The following AGBL4 variants were observed in gnomAD, a reference collection of about 807,000 sequenced individuals.
AGBL4 encodes the protein AGBL carboxypeptidase 4.
AGBL4 carries 58 observed loss-of-function variants against 66.4 expected under a neutral mutation model. The ratio of observed to expected loss-of-function variants is 0.87; its 90% CI spans 0.71 to 1.09. The LOEUF is 1.09. AGBL4 is among the 50% of genes least tolerant of loss of function. The pLI is 0.00. For missense variants in AGBL4, 579 were observed against 631.0 expected (o/e 0.92, Z 0.88); for synonymous variants, 234 against 222.9 (o/e 1.05, Z -0.44).
intron 3 of AGBL4, among the ~76,000 whole-genome samples, chr1:49,630,463 AC>A (rs1460203031): frequency 1.3e-5 from 2 of 152,062 alleles, no homozygotes; most frequent in Non-Finnish European, 2.9e-5. Flanking sequence ...GTGTCAGGGT[AC>A]TCAGGCATTT....
intron 4 of AGBL4, among the ~76,000 whole-genome samples, chr1:49,199,461 G>C (rs1056482291): frequency 2.0e-5 from 3 of 152,150 alleles, no homozygotes. Context: ...TCATTTGGCT[G>C]TCCTCTTAAA....
rs893532633 is a variant in AGBL4, at chr1:48,757,044, G to A, written c.635-93803C>T. On this transcript the variant is annotated intron_variant, in intron 6 of 13. Transcript: ENST00000371839. Reference sequence around the variant, plus strand: ...AAAGAGGCATATAATGATGTAAAATGCAGGGTGTCTTACCACCCCAGAGGC... The same window carrying A: ...AAAGAGGCATATAATGATGTAAAATACAGGGTGTCTTACCACCCCAGAGGC... Among the ~76,000 whole-genome samples, 3 of 152,156 alleles carry A rather than the reference G, an allele frequency of 2.0e-5. No individual in the cohort carries two copies. The South Asian group carries it at 6.2e-4, about 32-fold the overall frequency.
chr1:49,875,949 T>A (rs1646991318), intron 1 of AGBL4, among the ~76,000 whole-genome samples: 1 of 147,238 alleles, frequency 6.8e-6, no homozygotes, highest in South Asian at 2.2e-4. Flanking sequence ...GCTGCATAAA[T>A]GTCTTCTTTT....
chr1:48,974,156 AAAG>A (rs773301583), intron 5 of AGBL4, among the ~76,000 whole-genome samples: 152 of 152,222 alleles, frequency 1.0e-3, no homozygotes, highest in Non-Finnish European at 1.8e-3. Flanking sequence ...GGATAAAGGG[AAAG>A]AAGGACGAAA....
intron 1 of AGBL4, among the ~76,000 whole-genome samples, chr1:50,007,644 G>A (rs1661235807): frequency 6.6e-6 from 1 of 152,156 alleles, no homozygotes; most frequent in South Asian, 2.1e-4. Context: ...GCACATGCCT[G>A]TAATCCCAGA....
At chr1:49,331,130 C>T (rs551678057) in intron 3 of AGBL4, among the ~76,000 whole-genome samples, 2 of 151,900 alleles carry the variant, frequency 1.3e-5, no homozygotes, top group East Asian at 1.9e-4. Flanking sequence ...TGTGGAGTCT[C>T]GGCAGAGCTG....
At chr1:48,805,687 G>A (rs1645907377) in intron 6 of AGBL4, among the ~76,000 whole-genome samples, 1 of 152,106 alleles carries the variant, frequency 6.6e-6, no homozygotes, top group South Asian at 2.1e-4. Flanking sequence ...TCACCACAAC[G>A]AACCTCAGTT....
At chr1:49,808,389 A>G (rs1645021408) in intron 2 of AGBL4, among the ~76,000 whole-genome samples, 1 of 152,162 alleles carries the variant, frequency 6.6e-6, no homozygotes, top group South Asian at 2.1e-4. Context: ...AAAGACTACA[A>G]ACTTTGATGC....
chr1:49,386,352 T>C (rs1054629204), intron 3 of AGBL4, among the ~76,000 whole-genome samples: 6 of 151,808 alleles, frequency 4.0e-5, no homozygotes, highest in Non-Finnish European at 8.8e-5. Context: ...GTGTAGTCTT[T>C]GACCATTAAA....
intron 5 of AGBL4, among the ~76,000 whole-genome samples, chr1:48,980,370 CAG>C (rs955585032): frequency 6.6e-6 from 1 of 152,244 alleles, no homozygotes; most frequent in African/African-American, 2.4e-5. Context: ...AAATTCCCAA[CAG>C]CCTCCAAAGC....
At chr1:49,626,509 G>A (rs1430696063) in intron 3 of AGBL4, among the ~76,000 whole-genome samples, 1 of 152,176 alleles carries the variant, frequency 6.6e-6, no homozygotes, top group Non-Finnish European at 1.5e-5. Flanking sequence ...GATGAAAAGA[G>A]CTCAATGTGC....
At chr1:48,942,319 G>C (rs898083449) in intron 5 of AGBL4, among the ~76,000 whole-genome samples, 22 of 151,996 alleles carry the variant, frequency 1.4e-4, no homozygotes, top group South Asian at 2.1e-4. Flanking sequence ...GTGGGGGGGG[G>C]GGGTTGTGGT....
intron 3 of AGBL4, among the ~76,000 whole-genome samples, chr1:49,609,151 G>A (rs1645110532): frequency 6.6e-6 from 1 of 152,116 alleles, no homozygotes; most frequent in African/African-American, 2.4e-5. Flanking sequence ...GGCGATATAT[G>A]CAAGGACAAC....
Position 48,703,070 on chromosome 1 carries a change from A to G in AGBL4, c.635-39829T>C, listed in dbSNP as rs969290737. On this transcript the variant is annotated intron_variant, in intron 6 of 13. Coordinates refer to ENST00000371839, the MANE Select transcript of AGBL4 (RefSeq NM_032785.4). ...AAATAAAACCTCCAAGAAACAAAAA[A>G]TGGGCCTTTAAAGAGATACACTACA... is the stretch of plus-strand genomic sequence containing the variant. Among the ~76,000 whole-genome samples the G allele has an allele frequency of 2.0e-5, 3 of 152,228 alleles. No homozygotes were observed. In the East Asian group the frequency reaches 5.8e-4, roughly 29 times the overall value.
chr1:49,486,524 T>C (rs1647070343), intron 3 of AGBL4, among the ~76,000 whole-genome samples: 1 of 151,944 alleles, frequency 6.6e-6, no homozygotes, highest in Non-Finnish European at 1.5e-5. Flanking sequence ...TTGTGGTCCT[T>C]AGCTCTCCTC....
At position 49,551,054 on chromosome 1, in the gene AGBL4, G is replaced by C. The variant is rs367586348; in HGVS notation, c.282+146259C>G. Among the ~76,000 whole-genome samples, 12 of 152,106 alleles carry C rather than the reference G, an allele frequency of 7.9e-5. No homozygotes were observed. In the East Asian group the frequency reaches 2.1e-3, roughly 27 times the overall value. Reference sequence around the variant, plus strand: ...GTTAATTAAAAGAGCTTGTCTTCAAGCACTGAATTTCTTTCTTCTACTTGT... The same window carrying C: ...GTTAATTAAAAGAGCTTGTCTTCAACCACTGAATTTCTTTCTTCTACTTGT... On this transcript the variant is annotated intron_variant, in intron 3 of 13. Coordinates refer to ENST00000371839, the MANE Select transcript of AGBL4 (RefSeq NM_032785.4).
At chr1:49,827,273 TA>T (rs543960873) in intron 2 of AGBL4, among the ~76,000 whole-genome samples, 714 of 151,870 alleles carry the variant, frequency 4.7e-3, no homozygotes, top group Non-Finnish European at 7.5e-3. Flanking sequence ...AGAGTAATAA[TA>T]AAAAAATCAG....
chr1:49,529,690 A>G (rs1650942624), intron 3 of AGBL4, among the ~76,000 whole-genome samples: 2 of 152,014 alleles, frequency 1.3e-5, no homozygotes, highest in Non-Finnish European at 2.9e-5. Context: ...TAATAATACT[A>G]ATAACAATAT....
At chr1:49,798,574 C>T (rs1025761086) in intron 2 of AGBL4, among the ~76,000 whole-genome samples, 6 of 152,040 alleles carry the variant, frequency 3.9e-5, no homozygotes, top group African/African-American at 4.8e-5. Flanking sequence ...AGAATATAAC[C>T]GCATTCCAAA....
Sources: allele counts gnomAD v4.1 joint callset (sites outside exome capture counted in the v4.1 genomes callset), GRCh38; gene constraint gnomAD v4.1.1; transcripts MANE v1.5; gene names NCBI Gene and HGNC (gene_info 2026-07-23, HGNC 2026-07-21).